The following PRKN variants were observed in gnomAD, a reference collection of about 807,000 sequenced individuals.
PRKN encodes the protein E3 ubiquitin-protein ligase parkin.
In PRKN, 56 loss-of-function variants were observed where a neutral mutation model predicts 59.5. That is an observed-to-expected ratio of 0.94 (90% CI 0.76 to 1.18). PRKN has a LOEUF of 1.18. PRKN is among the 50% of genes most tolerant of loss of function. The pLI is 0.00. For synonymous variants in PRKN, 250 were observed against 222.1 expected (o/e 1.13, Z -1.12); for missense variants, 657 against 596.4 (o/e 1.10, Z -1.06).
intron 4 of PRKN, among the ~76,000 whole-genome samples, chr6:162,087,466 T>C (rs191528614): frequency 6.6e-6 from 1 of 151,380 alleles, no homozygotes; most frequent in Non-Finnish European, 1.5e-5. Context: ...ATTATTTTTT[T>C]AAAAATTGGG....
At chr6:162,065,224 G>A (rs1425910925) in intron 4 of PRKN, among the ~76,000 whole-genome samples, 1 of 152,218 alleles carries the variant, frequency 6.6e-6, no homozygotes, top group Non-Finnish European at 1.5e-5. Flanking sequence ...CAACAGTGCA[G>A]GCTTCAGTCT....
chr6:162,403,332 G>A (rs1473949690), intron 2 of PRKN, among the ~76,000 whole-genome samples: 1 of 151,990 alleles, frequency 6.6e-6, no homozygotes, highest in African/African-American at 2.4e-5. Context: ...ATGCAGCCCT[G>A]TGCCTCACTC....
intron 1 of PRKN, among the ~76,000 whole-genome samples, chr6:162,509,602 A>G (rs1160380996): frequency 6.6e-6 from 1 of 152,192 alleles, no homozygotes; most frequent in Non-Finnish European, 1.5e-5. Context: ...AAAATAAATT[A>G]GTTTGAAAGT....
chr6:161,821,876 G>C (rs1792047617), intron 6 of PRKN, among the ~76,000 whole-genome samples: 1 of 151,462 alleles, frequency 6.6e-6, no homozygotes, highest in Non-Finnish European at 1.5e-5. Context: ...AGCCTCCCCA[G>C]TAGCTGGGAC....
intron 7 of PRKN, among the ~76,000 whole-genome samples, chr6:161,734,453 G>A (rs1282283434): frequency 6.6e-6 from 1 of 152,126 alleles, no homozygotes; most frequent in Non-Finnish European, 1.5e-5. Context: ...CACCTGTACA[G>A]GATTATGAAA....
intron 2 of PRKN, among the ~76,000 whole-genome samples, chr6:162,407,654 T>C (rs1033619569): frequency 4.6e-5 from 7 of 152,174 alleles, no homozygotes; most frequent in Admixed American, 1.3e-4. Flanking sequence ...TCTTATCACC[T>C]GCTAGTCATA....
At chr6:162,269,164 C>T (rs949613334) in intron 2 of PRKN, among the ~76,000 whole-genome samples, 4 of 152,078 alleles carry the variant, frequency 2.6e-5, no homozygotes, top group East Asian at 1.9e-4. Flanking sequence ...CTGGAGATCC[C>T]GTCACCCCAG....
chr6:162,335,676 A>T lies in PRKN; in HGVS notation c.172-72911T>A, dbSNP rs1783810378. 1.3e-5 allele frequency among the ~76,000 whole-genome samples: 2 copies of T among 152,150 alleles called. 1 individual carries two copies. The highest frequency in any genetic ancestry group is 1.3e-4 in the Admixed American group (2 of 15,268). On this transcript the variant is annotated intron_variant, in intron 2 of 11. Coordinates refer to ENST00000366898, the MANE Select transcript of PRKN (RefSeq NM_004562.3). ...GAATGTAATAAACTTAATATATAATAATTACATCAAACTGCTCTTATTTCT... is the reference window on the plus strand; with the variant it reads ...GAATGTAATAAACTTAATATATAATTATTACATCAAACTGCTCTTATTTCT...
chr6:161,780,367 G>A lies in PRKN; in HGVS notation c.871+5405C>T, dbSNP rs549004196. On this transcript the variant is annotated intron_variant, in intron 7 of 11. Transcript: ENST00000366898. ...GAATTGACCTCCACAAAGACTTAAT[G>A]TACAGAATGATATGTGTACCATCTC... 9.9e-4 allele frequency among the ~76,000 whole-genome samples: 151 copies of A among 152,092 alleles called. 1 individual carries two copies. The highest frequency in any genetic ancestry group is 1.9e-3 in the Non-Finnish European group (132 of 68,014).
chr6:162,115,751 G>C (rs1163283624), intron 4 of PRKN, among the ~76,000 whole-genome samples: 2 of 152,078 alleles, frequency 1.3e-5, no homozygotes, highest in Non-Finnish European at 2.9e-5. Flanking sequence ...GGCTTCTGGA[G>C]ATAGATAAAA....
chr6:162,551,401 A>G (rs1036441879), intron 1 of PRKN, among the ~76,000 whole-genome samples: 3 of 152,246 alleles, frequency 2.0e-5, no homozygotes, highest in Non-Finnish European at 4.4e-5. Context: ...AATAATGAGA[A>G]TAACTCCTTT....
At chr6:161,944,782 T>C (rs1027018025) in intron 6 of PRKN, among the ~76,000 whole-genome samples, 1 of 152,218 alleles carries the variant, frequency 6.6e-6, no homozygotes, top group Non-Finnish European at 1.5e-5. Flanking sequence ...ATCATAGTCA[T>C]GAAATCTATG....
In PRKN at chr6:161,373,975, C is replaced by T. The variant is rs1175980864; in HGVS notation, c.1167+12819G>A. 1.3e-5 allele frequency among the ~76,000 whole-genome samples: 2 copies of T among 152,172 alleles called. No homozygotes were observed. Among genetic ancestry groups the T allele is most frequent in the Non-Finnish European group, 2.9e-5 (2 of 68,022 alleles). ...CTGGGGTGCCTTTCAAAGTGGCGTT[C>T]ACTCCCTTTTCCCCCAGGTCATTTT... On this transcript the variant is annotated intron_variant, in intron 10 of 11. Coordinates refer to ENST00000366898, the MANE Select transcript of PRKN (RefSeq NM_004562.3). This position sits in a 1 kb window ranked among gnomAD's most constrained non-coding sequence, Gnocchi z 4.8.
rs1790448750 is a variant in PRKN, at chr6:161,466,052, A to G, written c.1084-79175T>C. On this transcript the variant is annotated intron_variant, in intron 9 of 11. Transcript: ENST00000366898. The surrounding 1 kb of genome is among the most constrained non-coding windows in gnomAD (Gnocchi z 5.0). ...TTAATCAACACTTCTATCACCACAC[A>G]TAGTTATCTTTGTGTGTGTGTGTGT... Among the ~76,000 whole-genome samples the G allele has an allele frequency of 1.3e-5, 2 of 148,334 alleles. No individual in the cohort carries two copies. Among genetic ancestry groups the G allele is most frequent in the African/African-American group, 5.2e-5 (2 of 38,170 alleles).
rs1786385093 is a variant in PRKN, at chr6:161,388,939, A to G, written c.1084-2062T>C. ...TAGGGTGGTTTTTACACAGCAATAAATAACTGATACAGTAATAAATAAGAA... is the reference window on the plus strand; with the variant it reads ...TAGGGTGGTTTTTACACAGCAATAAGTAACTGATACAGTAATAAATAAGAA... On this transcript the variant is annotated intron_variant, in intron 9 of 11. Transcript: ENST00000366898. The surrounding 1 kb of genome is among the most constrained non-coding windows in gnomAD (Gnocchi z 4.3). Among the ~76,000 whole-genome samples the G allele has an allele frequency of 6.6e-6, 1 of 152,260 alleles. No individual in the cohort carries two copies. The highest frequency in any genetic ancestry group is 2.4e-5 in the African/African-American group (1 of 41,472).
intron 6 of PRKN, among the ~76,000 whole-genome samples, chr6:161,814,052 C>T (rs182328341): frequency 3.3e-5 from 5 of 152,246 alleles, no homozygotes; most frequent in African/African-American, 4.8e-5. Context: ...ATGCTCAGGG[C>T]CTTGCTGACA....
chr6:162,422,432 C>T (rs541092110), intron 2 of PRKN, among the ~76,000 whole-genome samples: 1 of 152,292 alleles, frequency 6.6e-6, no homozygotes, highest in African/African-American at 2.4e-5. Flanking sequence ...TTTTATGCCA[C>T]TGCACATGAG....
At chr6:161,507,387 C>A (rs1256218592) in intron 9 of PRKN, among the ~76,000 whole-genome samples, 1 of 152,194 alleles carries the variant, frequency 6.6e-6, no homozygotes, top group Non-Finnish European at 1.5e-5. Context: ...CATCAGTTCT[C>A]AGTTTTGACA....
chr6:161,590,875 C>A (rs1781696781), intron 7 of PRKN, among the ~76,000 whole-genome samples: 1 of 152,040 alleles, frequency 6.6e-6, no homozygotes, highest in Admixed American at 6.6e-5. Context: ...ACATAATAGT[C>A]TAGATAAGAG....
Sources: allele counts gnomAD v4.1 joint callset (sites outside exome capture counted in the v4.1 genomes callset), GRCh38; gene constraint gnomAD v4.1.1; non-coding constraint Gnocchi (gnomAD v3.1); transcripts MANE v1.5; gene names NCBI Gene and HGNC (gene_info 2026-07-23, HGNC 2026-07-21).